MACROD2: variants seen among roughly 807,000 people sequenced by gnomAD.
The protein encoded by MACROD2 is ADP-ribose glycohydrolase MACROD2.
Under a neutral mutation model 70.4 loss-of-function variants are expected in MACROD2, and 36 were observed. The observed-to-expected ratio is 0.51, with a 90% CI of 0.39 to 0.68. The LOEUF (loss-of-function observed/expected upper bound fraction) is 0.68, where lower values mean the gene tolerates loss of function less well. Among genes scored for constraint, MACROD2 ranks in the 30% least tolerant of loss-of-function variants. The pLI is 0.00. For synonymous variants in MACROD2, 172 were observed against 178.8 expected (o/e 0.96, Z 0.30); for missense variants, 496 against 538.4 (o/e 0.92, Z 0.78).
intron 7 of MACROD2, among the ~76,000 whole-genome samples, chr20:15,493,403 T>G (rs1295136080): frequency 6.6e-6 from 1 of 152,212 alleles, no homozygotes; most frequent in African/African-American, 2.4e-5. Flanking sequence ...ATGATTGATT[T>G]AAAGTATCAC....
intron 8 of MACROD2, among the ~76,000 whole-genome samples, chr20:15,647,888 T>G (rs2049575619): frequency 6.6e-6 from 1 of 152,076 alleles, no homozygotes; most frequent in Non-Finnish European, 1.5e-5. Flanking sequence ...TCGGCTAATT[T>G]TTGTATTTTT....
At chr20:15,778,189 A>G (rs2051765785) in intron 8 of MACROD2, among the ~76,000 whole-genome samples, 1 of 152,162 alleles carries the variant, frequency 6.6e-6, no homozygotes, top group Non-Finnish European at 1.5e-5. Context: ...TGCAGTGTCA[A>G]AAATTCAAGT....
intron 6 of MACROD2, among the ~76,000 whole-genome samples, chr20:15,417,977 A>G (rs1034852407): frequency 6.6e-6 from 1 of 152,214 alleles, no homozygotes; most frequent in African/African-American, 2.4e-5. Flanking sequence ...GAGGATGCTC[A>G]AGATGAATTC....
intron 5 of MACROD2, among the ~76,000 whole-genome samples, chr20:14,838,018 C>T (rs1371202435): frequency 6.6e-6 from 1 of 151,846 alleles, no homozygotes. Flanking sequence ...AGTGTTAAGT[C>T]CATACTATTG....
At chr20:15,756,954 C>T (rs749960201) in intron 8 of MACROD2, among the ~76,000 whole-genome samples, 6 of 152,116 alleles carry the variant, frequency 3.9e-5, no homozygotes, top group Non-Finnish European at 8.8e-5. Flanking sequence ...AGCAGGCTTC[C>T]GAATTGTTAG....
At chr20:15,493,857 G>C (rs1252117405) in intron 7 of MACROD2, among the ~76,000 whole-genome samples, 1 of 152,164 alleles carries the variant, frequency 6.6e-6, no homozygotes, top group African/African-American at 2.4e-5. Context: ...TTGATGAAAA[G>C]AAACATTGGC....
intron 5 of MACROD2, among the ~76,000 whole-genome samples, chr20:14,976,380 T>C (rs2074739766): frequency 6.6e-6 from 1 of 152,150 alleles, no homozygotes; most frequent in African/African-American, 2.4e-5. Context: ...ACCCTTCTTC[T>C]ATCTTCAAAG....
rs148500379 is a variant in MACROD2, at chr20:15,076,038, A to G, written c.419-153902A>G. Among the ~76,000 whole-genome samples the G allele has an allele frequency of 1.5e-4, 23 of 152,336 alleles. No individual in the cohort carries two copies. In the East Asian group the frequency reaches 4.2e-3, roughly 28 times the overall value. On this transcript the variant is annotated intron_variant, in intron 5 of 17. Transcript: ENST00000684519. ...AAAACTTCATAAAAGGCGATCAGTTATAACCTTATAATCAAGGTTTATGTT... is the reference window on the plus strand; with the variant it reads ...AAAACTTCATAAAAGGCGATCAGTTGTAACCTTATAATCAAGGTTTATGTT...
chr20:14,408,431 C>G (rs1480995674), intron 3 of MACROD2, among the ~76,000 whole-genome samples: 2 of 152,104 alleles, frequency 1.3e-5, no homozygotes, highest in African/African-American at 4.8e-5. Context: ...TGTGGAGGCC[C>G]CTTGTGATTA....
chr20:15,664,270 A>T (rs927402433), intron 8 of MACROD2, among the ~76,000 whole-genome samples: 4 of 152,242 alleles, frequency 2.6e-5, no homozygotes, highest in Non-Finnish European at 5.9e-5. Flanking sequence ...ATATTTGGGA[A>T]GAATTGAACC....
intron 4 of MACROD2, among the ~76,000 whole-genome samples, chr20:14,528,329 T>C (rs557354311): frequency 6.6e-6 from 1 of 151,322 alleles, no homozygotes; most frequent in East Asian, 2.0e-4. Flanking sequence ...CTGTTTTTTT[T>C]TTTTTCAGTA....
At chr20:14,987,567 T>A (rs747052504) in intron 5 of MACROD2, among the ~76,000 whole-genome samples, 4 of 152,148 alleles carry the variant, frequency 2.6e-5, no homozygotes, top group Non-Finnish European at 5.9e-5. Flanking sequence ...TTTTTGAAAG[T>A]ACACTGAGCG....
At chr20:13,996,913 T>C (rs979450994) in intron 1 of MACROD2, among the ~76,000 whole-genome samples, 13 of 152,238 alleles carry the variant, frequency 8.5e-5, no homozygotes, top group Admixed American at 7.2e-4. Flanking sequence ...AGGTATCAAG[T>C]TGATTTCCTT....
chr20:14,744,727 C>T (rs1450863242), intron 5 of MACROD2, among the ~76,000 whole-genome samples: 1 of 152,038 alleles, frequency 6.6e-6, no homozygotes, highest in African/African-American at 2.4e-5. Flanking sequence ...TCTTTCTTGT[C>T]GCTGATACCC....
intron 4 of MACROD2, among the ~76,000 whole-genome samples, chr20:14,510,186 A>G (rs896163376): frequency 6.6e-6 from 1 of 152,072 alleles, no homozygotes; most frequent in African/African-American, 2.4e-5. Flanking sequence ...GTTTGGAACT[A>G]GCTCAAGGTT....
chr20:15,977,156 C>T (rs1052293863), intron 13 of MACROD2, among the ~76,000 whole-genome samples: 10 of 152,150 alleles, frequency 6.6e-5, no homozygotes, highest in African/African-American at 2.2e-4. Context: ...ACAAATAGTA[C>T]GTTAAAGGTC....
At chr20:14,974,829 A>G (rs963330458) in intron 5 of MACROD2, among the ~76,000 whole-genome samples, 3 of 152,068 alleles carry the variant, frequency 2.0e-5, no homozygotes, top group African/African-American at 7.2e-5. Flanking sequence ...GGGCAAGCAG[A>G]TATGGATATG....
chr20:15,956,646 C>G (rs2065980810), intron 12 of MACROD2, among the ~76,000 whole-genome samples: 2 of 152,158 alleles, frequency 1.3e-5, no homozygotes, highest in East Asian at 3.9e-4. Flanking sequence ...AAAGAGTGTT[C>G]CCTGGAACAG....
intron 3 of MACROD2, among the ~76,000 whole-genome samples, chr20:14,224,607 T>C (rs2081715097): frequency 6.6e-6 from 1 of 152,224 alleles, no homozygotes; most frequent in Non-Finnish European, 1.5e-5. Context: ...GTATACTATC[T>C]AGAAGTTACG....
Sources: gnomAD v4.1 joint callset for allele counts (sites outside exome capture counted in the v4.1 genomes callset) on GRCh38, gnomAD v4.1.1 for gene constraint, MANE v1.5 for transcripts, NCBI Gene and HGNC (gene_info 2026-07-23, HGNC 2026-07-21) for gene names.